The following ROBO1 variants were observed in gnomAD, a reference collection of about 807,000 sequenced individuals.
ROBO1 encodes the protein roundabout guidance receptor 1.
Under a neutral mutation model 195.9 loss-of-function variants are expected in ROBO1, and 149 were observed. That is an observed-to-expected ratio of 0.76 (90% confidence interval 0.67 to 0.87). The LOEUF is 0.87. Among genes scored for constraint, ROBO1 ranks in the 40% least tolerant of loss-of-function variants. The pLI is 0.00. For synonymous variants in ROBO1, 816 were observed against 733.2 expected, an observed-to-expected ratio of 1.11 and a Z score of -1.82; for missense variants, 1,933 against 2,068.3, an observed-to-expected ratio of 0.93 and a Z score of 1.27.
intron 3 of ROBO1, among the ~76,000 whole-genome samples, chr3:79,102,503 G>T (rs2079696825): frequency 1.3e-5 from 2 of 151,794 alleles, no homozygotes; most frequent in African/African-American, 2.4e-5. Context: ...CTTCTAGGAA[G>T]TAATCACTAG....
intron 2 of ROBO1, among the ~76,000 whole-genome samples, chr3:79,288,886 A>G (rs1033842933): frequency 2.6e-5 from 4 of 152,098 alleles, no homozygotes; most frequent in African/African-American, 9.7e-5. Flanking sequence ...TTTGTATAGT[A>G]GAATCATCTT....
chr3:79,174,382 C>A (rs910173685), intron 2 of ROBO1, among the ~76,000 whole-genome samples: 1 of 151,990 alleles, frequency 6.6e-6, no homozygotes, highest in African/African-American at 2.4e-5. Flanking sequence ...ACCACGAACC[C>A]ACCACAAGGA....
At chr3:79,420,536 T>C (rs2038181795) in intron 2 of ROBO1, among the ~76,000 whole-genome samples, 1 of 152,178 alleles carries the variant, frequency 6.6e-6, no homozygotes. Context: ...CAAAGATGAC[T>C]GCAAAAGTTC....
At chr3:78,661,917 T>G in intron 15 of ROBO1, 76 bp downstream of exon 15, 1 of 1,472,366 alleles carries the variant, frequency 6.8e-7, no homozygotes, top group South Asian at 1.3e-5. Context: ...AGGCAACAGA[T>G]AGTTACATTT....
chr3:78,660,969 C>A, intron 16 of ROBO1, 61 bp downstream of exon 16: 1 of 1,092,096 alleles, frequency 9.2e-7, no homozygotes, highest in Non-Finnish European at 1.3e-6. Context: ...TTAAATTAAG[C>A]TAATAAAATT....
chr3:79,486,491 G>A (rs548358169), intron 2 of ROBO1, among the ~76,000 whole-genome samples: 2 of 152,202 alleles, frequency 1.3e-5, no homozygotes, highest in South Asian at 4.1e-4. Flanking sequence ...TTTTCTGACT[G>A]TGAACTACTT....
intron 4 of ROBO1, among the ~76,000 whole-genome samples, chr3:78,772,218 A>G (rs2108434023): frequency 6.6e-6 from 1 of 152,110 alleles, no homozygotes; most frequent in Admixed American, 6.5e-5. Context: ...AGTCATTACC[A>G]TTTTAAAGAT....
intron 2 of ROBO1, among the ~76,000 whole-genome samples, chr3:79,518,850 T>G (rs1334510848): frequency 6.6e-6 from 1 of 151,630 alleles, no homozygotes; most frequent in Non-Finnish European, 1.5e-5. Context: ...TCTGTATTTT[T>G]TTTTTTTTTA....
At chr3:79,205,301 G>A (rs1471232415) in intron 2 of ROBO1, among the ~76,000 whole-genome samples, 1 of 151,952 alleles carries the variant, frequency 6.6e-6, no homozygotes, top group Non-Finnish European at 1.5e-5. Flanking sequence ...GCCTCTAGAG[G>A]ATAAATGATT....
chr3:79,659,017 G>T (rs149114380), intron 1 of ROBO1, among the ~76,000 whole-genome samples: 3,701 of 152,038 alleles, frequency 0.024, 65 homozygotes, highest in Middle Eastern at 0.082. Context: ...TTACAGGTGT[G>T]AGCCACTGCA....
Position 78,881,053 on chromosome 3 carries a change from C to T in ROBO1, c.499+57548G>A, listed in dbSNP as rs757063596. ...TTCTTATGAATATTGGCTGCCGCAA[C>T]AATTTCATATTGTCAACAGATGCGG... is the stretch of plus-strand genomic sequence containing the variant. On this transcript the variant is annotated intron_variant, in intron 4 of 30. Transcript: ENST00000464233. Among the ~76,000 whole-genome samples, 80 of 152,300 alleles carry T rather than the reference C, an allele frequency of 5.3e-4. 1 individual carries two copies. Among genetic ancestry groups the T allele is most frequent in the Middle Eastern group, 3.4e-3 (1 of 294 alleles).
intron 2 of ROBO1, among the ~76,000 whole-genome samples, chr3:79,363,105 T>A (rs1039975507): frequency 6.6e-6 from 1 of 152,230 alleles, no homozygotes; most frequent in African/African-American, 2.4e-5. Context: ...AGCCACTCTT[T>A]TCTTCTCAGC....
chr3:78,889,705 C>A lies in ROBO1; in HGVS notation c.499+48896G>T, dbSNP rs1404465145. Among the ~76,000 whole-genome samples, 7 of 128,584 alleles carry A rather than the reference C, an allele frequency of 5.4e-5. No individual in the cohort carries two copies. In the South Asian group the frequency reaches 1.3e-3, roughly 24 times the overall value. The allele number at this position is 128,584 out of a possible 152,430, so 84.4% of individuals were successfully genotyped here. A position where few individuals can be genotyped will look rare whatever the true frequency, so the allele number is the denominator to read the frequency against. ...TGGGTGGAAGGAATATAGAAAATAA[C>A]TCCAAGAAAAAAAAAAAAAAAAACG... On this transcript the variant is annotated intron_variant, in intron 4 of 30. Coordinates refer to ENST00000464233, the MANE Select transcript of ROBO1 (RefSeq NM_002941.4).
intron 10 of ROBO1, among the ~76,000 whole-genome samples, chr3:78,676,435 T>A (rs904801638): frequency 6.6e-6 from 1 of 152,100 alleles, no homozygotes; most frequent in African/African-American, 2.4e-5. Flanking sequence ...TAAAAAAATT[T>A]AGACGAATGT....
At position 78,650,064 on chromosome 3, in the gene ROBO1, TA is replaced by T. The variant is rs201464842; in HGVS notation, c.2812+1667del. Among the ~76,000 whole-genome samples the T allele has an allele frequency of 8.7e-3, 1,332 of 152,246 alleles. 23 individuals are homozygous for T. Among genetic ancestry groups the T allele is most frequent in the African/African-American group, 0.031 (1,269 of 41,542 alleles). On this transcript the variant is annotated intron_variant, in intron 19 of 30. Transcript: ENST00000464233. ...AAGAATTCAAGAGACTCCACATCTA[TA>T]TGTTAATTAGTCACTCTTTTCCTCA...
intron 2 of ROBO1, among the ~76,000 whole-genome samples, chr3:79,152,253 G>A (rs1033862303): frequency 6.6e-6 from 1 of 151,824 alleles, no homozygotes; most frequent in Non-Finnish European, 1.5e-5. Context: ...TATGTTTAAG[G>A]TGATCTCTTC....
At chr3:79,360,563 T>C (rs921113693) in intron 2 of ROBO1, among the ~76,000 whole-genome samples, 2 of 152,018 alleles carry the variant, frequency 1.3e-5, no homozygotes, top group Non-Finnish European at 2.9e-5. Context: ...ACATTGATGA[T>C]GGTGATGATG....
chr3:79,376,749 T>C (rs2036400291), intron 2 of ROBO1, among the ~76,000 whole-genome samples: 1 of 152,202 alleles, frequency 6.6e-6, no homozygotes, highest in Non-Finnish European at 1.5e-5. Flanking sequence ...GGTATATCTT[T>C]ATTAGCAGCA....
chr3:79,685,525 C>A (rs148298648), intron 1 of ROBO1, among the ~76,000 whole-genome samples: 70 of 152,276 alleles, frequency 4.6e-4, no homozygotes, highest in African/African-American at 1.7e-3. Context: ...TATTGCACAA[C>A]GTCCTGGGAT....
Sources: allele counts gnomAD v4.1 joint callset (sites outside exome capture counted in the v4.1 genomes callset), GRCh38; gene constraint gnomAD v4.1.1; transcripts MANE v1.5; gene names NCBI Gene and HGNC (gene_info 2026-07-23, HGNC 2026-07-21).